The following ZNF83 variants were observed in gnomAD, a reference collection of about 807,000 sequenced individuals.
The protein encoded by ZNF83 is zinc finger protein 816B.
For synonymous variants in ZNF83, 209 were observed against 213.0 expected, an observed-to-expected ratio of 0.98 and a Z score of 0.17; for missense variants, 552 against 629.9, an observed-to-expected ratio of 0.88 and a Z score of 1.32.
At chr19:52,647,912 A>C (rs756647028) in intron 3 of ZNF83, among the ~76,000 whole-genome samples, 6 of 149,182 alleles carry the variant, frequency 4.0e-5, no homozygotes, top group Non-Finnish European at 7.4e-5. Context: ...ACCCCTCTGT[A>C]CCCACTCTCT....
rs1481849906 is a variant in ZNF83, at chr19:52,614,112, A to C, written c.453T>G (p.Cys151Trp). The change falls in exon 3 of 3, where the codon TGT becomes TGG. Residue 151 changes from cysteine (C) to tryptophan (W), a missense_variant. Transcript: ENST00000301096. ...TATGGAAGACCTTGCCACATTCATT[A>C]CATTTATATGGCTTCTCTCCAGTAT... 3.7e-6 allele frequency: 6 copies of C among 1,613,962 alleles called. No individual in the cohort carries two copies. In the East Asian group the frequency reaches 6.7e-5, roughly 18 times the overall value.
exon 3 of ZNF83, chr19:52,614,649 G>A (rs1002825022): frequency 7.2e-7 from 1 of 1,396,002 alleles, no homozygotes; most frequent in Admixed American, 3.1e-5. Flanking sequence ...GACACTGAGA[G>A]TCATGTACAT....
chr19:52,684,440 T>C (rs1019082290), intron 1 of ZNF83, among the ~76,000 whole-genome samples: 3 of 151,120 alleles, frequency 2.0e-5, no homozygotes, highest in South Asian at 4.2e-4. Flanking sequence ...TCCCAGCTAC[T>C]TGGGAGGCTG....
At chr19:52,619,478 T>C (rs143540771) in intron 2 of ZNF83, among the ~76,000 whole-genome samples, 5,303 of 151,964 alleles carry the variant, frequency 0.035, 311 homozygotes, top group African/African-American at 0.12. Flanking sequence ...ATACAAAAAT[T>C]AGCTGGATGT....
At chr19:52,666,365 G>A (rs1384523511) in intron 1 of ZNF83, among the ~76,000 whole-genome samples, 4 of 151,836 alleles carry the variant, frequency 2.6e-5, no homozygotes, top group Non-Finnish European at 5.9e-5. Context: ...ATAATTGAAG[G>A]TCTTCTCCAT....
At chr19:52,648,781 C>G (rs329963) in intron 3 of ZNF83, among the ~76,000 whole-genome samples, 80,660 of 152,028 alleles carry the variant, frequency 0.53, 21,992 homozygotes, top group East Asian at 0.71. Context: ...ATGAGATCAA[C>G]CTGCTGCTAA....
chr19:52,653,348 G>A, intron 3 of ZNF83: 1 of 1,218,536 alleles, frequency 8.2e-7, no homozygotes, highest in South Asian at 1.2e-5. Flanking sequence ...CTCTGATGTT[G>A]TGCAAGGTAT....
chr19:52,677,320 A>C (rs868725870), intron 1 of ZNF83, among the ~76,000 whole-genome samples: 7 of 125,432 alleles, frequency 5.6e-5, no homozygotes, highest in East Asian at 2.2e-4. Flanking sequence ...AAAAAAAAAA[A>C]AAAAAAAAAA....
intron 1 of ZNF83, among the ~76,000 whole-genome samples, chr19:52,685,164 C>T (rs976514732): frequency 1.8e-4 from 27 of 152,334 alleles, no homozygotes; most frequent in Admixed American, 7.2e-4. Context: ...CAGACACCCA[C>T]TCTATTTTGC....
intron 1 of ZNF83, among the ~76,000 whole-genome samples, chr19:52,687,799 C>T (rs1225017483): frequency 6.8e-6 from 1 of 147,858 alleles, no homozygotes; most frequent in Non-Finnish European, 1.5e-5. Flanking sequence ...CACTCCAGCC[C>T]GAGTGATACA....
intron 1 of ZNF83, among the ~76,000 whole-genome samples, chr19:52,673,236 G>A (rs1477176349): frequency 6.6e-6 from 1 of 152,140 alleles, no homozygotes; most frequent in Non-Finnish European, 1.5e-5. Flanking sequence ...GCTGGGCACA[G>A]TGGCTCATGC....
chr19:52,659,613 C>CAAAAAAAAAAAAAAAAAAAAAAAAAA (rs67918270), intron 2 of ZNF83, among the ~76,000 whole-genome samples: 1 of 114,292 alleles, frequency 8.7e-6, no homozygotes, highest in Non-Finnish European at 1.8e-5. Context: ...GACTCCAACT[C>CAAAAAAAAAAAAAAAAAAAAAAAAAA]AAAAAAAAAA....
intron 3 of ZNF83, among the ~76,000 whole-genome samples, chr19:52,644,094 G>C (rs1384550711): frequency 6.6e-6 from 1 of 152,034 alleles, no homozygotes; most frequent in South Asian, 2.1e-4. Context: ...ACCTGCTTTA[G>C]ATTTCGCTGT....
chr19:52,687,408 ATAAAT>A lies in ZNF83; in HGVS notation c.-283+3030_-283+3034del, dbSNP rs1441848268. Among the ~76,000 whole-genome samples the A allele has an allele frequency of 1.3e-3, 69 of 52,912 alleles. 27 individuals are homozygous for A. Among genetic ancestry groups the A allele is most frequent in the African/African-American group, 6.8e-3 (63 of 9,226 alleles). The allele number at this position is 52,912 out of a possible 152,430, so 34.7% of individuals were successfully genotyped here. A position where few individuals can be genotyped will look rare whatever the true frequency, so the allele number is the denominator to read the frequency against. ...ATATATATATAATTTATATAGCTAT[ATAAAT>A]TATAATATAAATTATAATTTATATA... On this transcript the variant is annotated intron_variant, in intron 1 of 5. Transcript: ENST00000594682.
At chr19:52,686,254 C>T (rs939670590) in intron 1 of ZNF83, among the ~76,000 whole-genome samples, 22 of 151,656 alleles carry the variant, frequency 1.5e-4, no homozygotes, top group African/African-American at 4.4e-4. Flanking sequence ...AATTTCAAAC[C>T]GAAACTATTT....
chr19:52,650,261 CT>C (rs1015695493), intron 3 of ZNF83, among the ~76,000 whole-genome samples: 40 of 39,534 alleles, frequency 1.0e-3, no homozygotes, highest in Non-Finnish European at 7.8e-4. Context: ...ACTTTTCTTT[CT>C]TTTTTTTTTT....
chr19:52,680,674 G>A (rs951130842), intron 1 of ZNF83, among the ~76,000 whole-genome samples: 23 of 133,814 alleles, frequency 1.7e-4, no homozygotes, highest in Non-Finnish European at 2.6e-4. Context: ...GTGCAGTGGC[G>A]CGATCTCGGC....
intron 2 of ZNF83, among the ~76,000 whole-genome samples, chr19:52,619,552 G>C (rs1365300775): frequency 6.6e-6 from 1 of 152,042 alleles, no homozygotes; most frequent in Non-Finnish European, 1.5e-5. Context: ...CTTGAAGCCG[G>C]GAGGTAGAGG....
intron 3 of ZNF83, among the ~76,000 whole-genome samples, chr19:52,647,399 G>A (rs2061385764): frequency 1.3e-5 from 2 of 152,014 alleles, no homozygotes; most frequent in South Asian, 4.1e-4. Context: ...ATCTGCCTTG[G>A]CCTCTAGAGT....
Sources: gnomAD v4.1 joint callset for allele counts (sites outside exome capture counted in the v4.1 genomes callset) on GRCh38, gnomAD v4.1.1 for gene constraint, MANE v1.5 for transcripts, NCBI Gene and HGNC (gene_info 2026-07-23, HGNC 2026-07-21) for gene names.